CAMK2D: variants seen among roughly 807,000 people sequenced by gnomAD.
CAMK2D encodes calcium/calmodulin-dependent protein kinase type II subunit delta.
A neutral mutation model predicts 84.0 loss-of-function variants in CAMK2D; 37 were observed. That is an observed-to-expected ratio of 0.44 (90% confidence interval 0.34 to 0.58). The LOEUF is 0.58. Ranked by LOEUF, CAMK2D falls within the 20% of genes least tolerant of loss-of-function variation. The pLI is 0.02. For synonymous variants in CAMK2D, 202 were observed against 212.5 expected (o/e 0.95, Z 0.43); for missense variants, 448 against 652.5 (o/e 0.69, Z 3.41).
chr4:113,609,744 C>G (rs1024732412), intron 3 of CAMK2D, among the ~76,000 whole-genome samples: 1 of 152,172 alleles, frequency 6.6e-6, no homozygotes, highest in South Asian at 2.1e-4. Context: ...AGGTGGCACT[C>G]CCTGGCCAAC....
intron 2 of CAMK2D, among the ~76,000 whole-genome samples, chr4:113,704,144 G>A (rs372278015): frequency 4.3e-4 from 65 of 151,946 alleles, no homozygotes; most frequent in African/African-American, 1.5e-3. Flanking sequence ...GAAGTCAGAG[G>A]AATACCAAGT....
At chr4:113,692,779 CTGTG>C (rs554140162) in intron 2 of CAMK2D, among the ~76,000 whole-genome samples, 1 of 150,946 alleles carries the variant, frequency 6.6e-6, no homozygotes, top group Non-Finnish European at 1.5e-5. Flanking sequence ...GTGTATATAT[CTGTG>C]TGTGTGTGTA....
At chr4:113,631,250 T>C (rs913428057) in intron 3 of CAMK2D, among the ~76,000 whole-genome samples, 4 of 152,158 alleles carry the variant, frequency 2.6e-5, no homozygotes, top group Admixed American at 2.0e-4. Flanking sequence ...TGGTGGCTCA[T>C]GCTTGTAATC....
intron 2 of CAMK2D, among the ~76,000 whole-genome samples, chr4:113,718,720 G>A (rs1000523611): frequency 6.6e-5 from 10 of 152,150 alleles, no homozygotes; most frequent in Admixed American, 2.0e-4. Flanking sequence ...AAGTTAGTTC[G>A]GCCTATGCCC....
chr4:113,598,029 C>T (rs1215648657), intron 4 of CAMK2D, among the ~76,000 whole-genome samples: 5 of 152,004 alleles, frequency 3.3e-5, no homozygotes, highest in Non-Finnish European at 5.9e-5. Flanking sequence ...TATATACTAA[C>T]CAATTTTAAA....
chr4:113,494,725 G>T (rs61541063), intron 16 of CAMK2D, among the ~76,000 whole-genome samples: 1 of 152,308 alleles, frequency 6.6e-6, no homozygotes, highest in East Asian at 1.9e-4. Flanking sequence ...AATGGCGGGC[G>T]CCCCTCCCCC....
chr4:113,742,162 G>A (rs1209478472), intron 2 of CAMK2D, among the ~76,000 whole-genome samples: 3 of 152,124 alleles, frequency 2.0e-5, no homozygotes, highest in Non-Finnish European at 4.4e-5. Flanking sequence ...TTGTTAAATA[G>A]ATGAGTAAAT....
chr4:113,649,158 G>A (rs2099163056), intron 3 of CAMK2D, among the ~76,000 whole-genome samples: 1 of 152,090 alleles, frequency 6.6e-6, no homozygotes, highest in South Asian at 2.1e-4. Flanking sequence ...TGCTATGGTT[G>A]AGGAACTCAT....
chr4:113,642,762 C>T (rs79308764), intron 3 of CAMK2D, among the ~76,000 whole-genome samples: 16,967 of 150,862 alleles, frequency 0.11, 1,025 homozygotes, highest in African/African-American at 0.14. Flanking sequence ...GATGGAGTCG[C>T]GCTCTGCTAG....
At chr4:113,603,448 A>G (rs1037846873) in intron 4 of CAMK2D, among the ~76,000 whole-genome samples, 1 of 139,694 alleles carries the variant, frequency 7.2e-6, no homozygotes, top group Non-Finnish European at 1.5e-5. Context: ...GGACATGGAT[A>G]AAATTGGAAA....
chr4:113,566,521 A>G (rs1222145987), intron 4 of CAMK2D, among the ~76,000 whole-genome samples: 1 of 152,190 alleles, frequency 6.6e-6, no homozygotes, highest in Non-Finnish European at 1.5e-5. Flanking sequence ...CCGATCTTTA[A>G]ATCTTCCAAC....
chr4:113,476,548 A>G (rs1474201539), intron 16 of CAMK2D, among the ~76,000 whole-genome samples: 6 of 152,148 alleles, frequency 3.9e-5, no homozygotes, highest in Non-Finnish European at 7.4e-5. Flanking sequence ...CTTTCCCAAA[A>G]TTATGCCCCC....
intron 3 of CAMK2D, among the ~76,000 whole-genome samples, chr4:113,618,998 T>C (rs2099033556): frequency 6.6e-6 from 1 of 152,166 alleles, no homozygotes; most frequent in African/African-American, 2.4e-5. Context: ...ATGTCAGACA[T>C]CTCAAACGTG....
intron 2 of CAMK2D, among the ~76,000 whole-genome samples, chr4:113,689,049 C>G (rs1238224919): frequency 6.6e-6 from 1 of 151,822 alleles, no homozygotes; most frequent in Admixed American, 6.6e-5. Context: ...TCGAGACCAT[C>G]CTGGCCAACA....
chr4:113,471,553 T>C (rs2154118436), intron 16 of CAMK2D, among the ~76,000 whole-genome samples: 1 of 152,344 alleles, frequency 6.6e-6, no homozygotes, highest in Admixed American at 6.5e-5. Context: ...TCTACTCAGC[T>C]GCCCAAACTG....
At chr4:113,576,960 G>A (rs1480932156) in intron 4 of CAMK2D, among the ~76,000 whole-genome samples, 5 of 151,968 alleles carry the variant, frequency 3.3e-5, no homozygotes, top group African/African-American at 9.7e-5. Flanking sequence ...GAATTGTTTA[G>A]TATTCATTTC....
intron 16 of CAMK2D, among the ~76,000 whole-genome samples, chr4:113,498,282 T>TA (rs751401769): frequency 1.3e-5 from 2 of 152,184 alleles, no homozygotes; most frequent in Admixed American, 6.5e-5. Context: ...ATAAATAATT[T>TA]AAAATCACTT....
intron 2 of CAMK2D, among the ~76,000 whole-genome samples, chr4:113,662,013 G>A (rs373568160): frequency 2.0e-5 from 3 of 152,036 alleles, no homozygotes; most frequent in African/African-American, 7.2e-5. Context: ...TTTAGACTTC[G>A]GGAAAATAGT....
chr4:113,756,085 A>G (rs1407386414), intron 2 of CAMK2D, among the ~76,000 whole-genome samples: 1 of 152,018 alleles, frequency 6.6e-6, no homozygotes, highest in Admixed American at 6.6e-5. Flanking sequence ...AAGGTAAGAA[A>G]TTCTTCAATT....
Sources: allele counts gnomAD v4.1 joint callset (sites outside exome capture counted in the v4.1 genomes callset), GRCh38; gene constraint gnomAD v4.1.1; transcripts MANE v1.5; gene names NCBI Gene and HGNC (gene_info 2026-07-23, HGNC 2026-07-21).